Variants in SYT2 observed in about 807,000 individuals in gnomAD.
SYT2 encodes the protein synaptotagmin-2.
Under a neutral mutation model 39.9 loss-of-function variants are expected in SYT2, and 15 were observed. The ratio of observed to expected loss-of-function variants is 0.38; its 90% CI spans 0.25 to 0.58. The LOEUF (loss-of-function observed/expected upper bound fraction) is 0.58. Ranked by LOEUF, SYT2 falls within the 20% of genes least tolerant of loss-of-function variation. SYT2 has a pLI of 0.70. For missense variants in SYT2, 389 were observed against 530.3 expected (o/e 0.73, Z 2.62); for synonymous variants, 181 against 204.5 (o/e 0.89, Z 0.98).
intron 1 of SYT2, among the ~76,000 whole-genome samples, chr1:202,668,055 A>G (rs1050306118): frequency 5.9e-5 from 9 of 152,206 alleles, no homozygotes; most frequent in Non-Finnish European, 1.5e-5. Flanking sequence ...ATCAAAGCCT[A>G]TGCAGCAGTT....
At position 202,641,424 on chromosome 1, in the gene SYT2, C is replaced by T. The variant is rs138525485; in HGVS notation, c.-17-35635G>A. Among the ~76,000 whole-genome samples, 711 of 152,224 alleles carry T rather than the reference C, an allele frequency of 4.7e-3. 6 individuals are homozygous for T. The highest frequency in any genetic ancestry group is 0.016 in the African/African-American group (682 of 41,524). On this transcript the variant is annotated intron_variant, in intron 1 of 8. Coordinates refer to ENST00000367268, the MANE Select transcript of SYT2 (RefSeq NM_177402.5). ...TAGTTCTACCTTCTCAATGTACAGG[C>T]GAGGAAAGCAAGAAAGGGCCTTGCC...
intron 1 of SYT2, among the ~76,000 whole-genome samples, chr1:202,637,137 C>G (rs568284609): frequency 1.3e-5 from 2 of 152,270 alleles, no homozygotes; most frequent in Admixed American, 1.3e-4. Context: ...GCCTGGGCAA[C>G]ATGGTGAAAC....
intron 1 of SYT2, among the ~76,000 whole-genome samples, chr1:202,656,176 A>C (rs1232600790): frequency 6.6e-6 from 1 of 152,210 alleles, no homozygotes; most frequent in Non-Finnish European, 1.5e-5. Context: ...ATGCATGCAC[A>C]CAGGCACAAA....
intron 2 of SYT2, chr1:202,605,274 G>A: frequency 4.9e-6 from 1 of 203,252 alleles, no homozygotes; most frequent in East Asian, 1.1e-4. Flanking sequence ...AAATTTCAAA[G>A]TATTATTGGC....
chr1:202,632,470 T>C, intron 1 of SYT2: 1 of 794,704 alleles, frequency 1.3e-6, no homozygotes. Context: ...ACTGACTCTA[T>C]AACCAGTGGA....
chr1:202,631,634 C>T (rs1299346511), intron 1 of SYT2, among the ~76,000 whole-genome samples: 1 of 152,066 alleles, frequency 6.6e-6, no homozygotes, highest in Non-Finnish European at 1.5e-5. Flanking sequence ...AGGGCTGGAG[C>T]CAGAAGATGG....
chr1:202,662,415 G>C (rs1692398992), intron 1 of SYT2, among the ~76,000 whole-genome samples: 1 of 152,234 alleles, frequency 6.6e-6, no homozygotes, highest in South Asian at 2.1e-4. Context: ...TGATGCTCAG[G>C]GCAGCATCTG....
At chr1:202,604,329 G>C (rs1484384225) in intron 3 of SYT2, 126 bp downstream of exon 3, 1 of 944,366 alleles carries the variant, frequency 1.1e-6, no homozygotes, top group Non-Finnish European at 1.6e-6. Context: ...GTAACTGAGA[G>C]AGCCAAGTTT....
chr1:202,708,043 G>A (rs575056680), intron 1 of SYT2, among the ~76,000 whole-genome samples: 4 of 152,298 alleles, frequency 2.6e-5, no homozygotes, highest in East Asian at 1.9e-4. Context: ...TCGGCCCTGC[G>A]AGGTCTTCAG....
chr1:202,606,993 A>G (rs1228512500), intron 1 of SYT2, among the ~76,000 whole-genome samples: 2 of 152,172 alleles, frequency 1.3e-5, no homozygotes, highest in African/African-American at 2.4e-5. Context: ...TGGTAACACC[A>G]TAATTTTTTT....
intron 1 of SYT2, among the ~76,000 whole-genome samples, chr1:202,664,565 CTG>C (rs940502858): frequency 3.3e-5 from 5 of 152,188 alleles, no homozygotes; most frequent in African/African-American, 1.2e-4. Context: ...ACCAGGTAAA[CTG>C]TGATTTGGTT....
At chr1:202,611,650 C>G (rs1690887152) in intron 1 of SYT2, among the ~76,000 whole-genome samples, 1 of 152,146 alleles carries the variant, frequency 6.6e-6, no homozygotes, top group Admixed American at 6.6e-5. Flanking sequence ...GCCACTGTGC[C>G]TGGTCATATT....
Position 202,628,588 on chromosome 1 carries a change from T to C in SYT2, c.-17-22799A>G, listed in dbSNP as rs541280547. 1.5e-3 allele frequency among the ~76,000 whole-genome samples: 225 copies of C among 152,118 alleles called. No individual in the cohort carries two copies. The highest frequency in any genetic ancestry group is 5.0e-3 in the African/African-American group (207 of 41,508). ...AGCATGCAAGTCCCGGGGGCACAAT[T>C]AGGTGCTCCAAAGAAGCCAGCTCTC... On this transcript the variant is annotated intron_variant, in intron 1 of 8. Transcript: ENST00000367268. The surrounding 1 kb of genome is among the most constrained non-coding windows in gnomAD (Gnocchi z 4.2).
intron 1 of SYT2, among the ~76,000 whole-genome samples, chr1:202,625,149 T>G (rs2149086382): frequency 4.9e-4 from 1 of 2,060 alleles, no homozygotes; most frequent in African/African-American, 1.2e-3. Context: ...TGTAATAGGG[T>G]GTGTGGTGTG....
intron 1 of SYT2, among the ~76,000 whole-genome samples, chr1:202,667,094 C>T (rs1201020400): frequency 6.6e-6 from 1 of 152,154 alleles, no homozygotes; most frequent in Non-Finnish European, 1.5e-5. Flanking sequence ...CCTTATGAAT[C>T]TTATAGTAAT....
chr1:202,672,569 A>C (rs1015943309), intron 1 of SYT2, among the ~76,000 whole-genome samples: 6 of 151,170 alleles, frequency 4.0e-5, no homozygotes, highest in Non-Finnish European at 1.5e-5. Flanking sequence ...TTTACATACA[A>C]TAACTGAAAA....
chr1:202,639,588 A>C lies in SYT2; in HGVS notation c.-17-33799T>G, dbSNP rs929067026. The C allele has an allele frequency of 2.3e-5, 23 of 985,438 alleles. No homozygotes were observed. In the African/African-American group the frequency reaches 3.5e-4, roughly 15 times the overall value. The allele number at this position is 985,438 out of a possible 1,614,324, so 61.0% of individuals were successfully genotyped here. A position where few individuals can be genotyped will look rare whatever the true frequency, so the allele number is the denominator to read the frequency against. The stretch of plus-strand genomic sequence containing the variant: ...TCCTTCAGCTTTTCTCCAAGGCTGC[A>C]TCTCACAGCCTTTCCTCATGACTAA... On this transcript the variant is annotated intron_variant, in intron 1 of 8. Coordinates refer to ENST00000367268, the MANE Select transcript of SYT2 (RefSeq NM_177402.5).
intron 1 of SYT2, among the ~76,000 whole-genome samples, chr1:202,608,939 C>T (rs1166834637): frequency 6.6e-6 from 1 of 151,968 alleles, no homozygotes; most frequent in African/African-American, 2.4e-5. Flanking sequence ...AGGTTAGTTA[C>T]ATGTGTATAC....
chr1:202,645,679 C>T (rs1334220313), intron 1 of SYT2, among the ~76,000 whole-genome samples: 1 of 152,212 alleles, frequency 6.6e-6, no homozygotes, highest in Non-Finnish European at 1.5e-5. Flanking sequence ...TATGTCTGCT[C>T]CTTCTGAAAA....
Sources: gnomAD v4.1 joint callset for allele counts (sites outside exome capture counted in the v4.1 genomes callset) on GRCh38, gnomAD v4.1.1 for gene constraint, Gnocchi (gnomAD v3.1) non-coding constraint, MANE v1.5 for transcripts, NCBI Gene and HGNC (gene_info 2026-07-23, HGNC 2026-07-21) for gene names.